ZFHX3: variants seen among roughly 807,000 people sequenced by gnomAD.
ZFHX3 encodes zinc finger homeobox 3, also known as zinc finger homeobox protein 3.
Under a neutral mutation model 279.1 loss-of-function variants are expected in ZFHX3, and 42 were observed. That is an observed-to-expected ratio of 0.15 (90% CI 0.12 to 0.19). The LOEUF (loss-of-function observed/expected upper bound fraction) is 0.19. Among genes scored for constraint, ZFHX3 ranks in the 10% least tolerant of loss-of-function variants. The pLI is 1.00. For missense variants in ZFHX3, 4,981 were observed against 4,754.0 expected (o/e 1.05, Z -1.40); for synonymous variants, 2,293 against 1,957.8 (o/e 1.17, Z -4.52).
intron 1 of ZFHX3, among the ~76,000 whole-genome samples, chr16:73,748,178 A>G (rs2053721351): frequency 6.6e-6 from 1 of 152,192 alleles, no homozygotes; most frequent in Non-Finnish European, 1.5e-5. Flanking sequence ...AAAAGATGAA[A>G]ACATCAGAAT....
chr16:73,297,230 G>C (rs1339200508), intron 4 of ZFHX3, among the ~76,000 whole-genome samples: 3 of 151,938 alleles, frequency 2.0e-5, no homozygotes. Flanking sequence ...GGTTAAGAAA[G>C]GCTAAGTAAT....
chr16:73,162,158 G>A (rs2144857274), intron 5 of ZFHX3, among the ~76,000 whole-genome samples: 1 of 152,338 alleles, frequency 6.6e-6, no homozygotes, highest in African/African-American at 2.4e-5. Context: ...CACAGCAGGA[G>A]TTGAGCAACA....
intron 1 of ZFHX3, among the ~76,000 whole-genome samples, chr16:72,966,842 A>G (rs1961865712): frequency 4.6e-5 from 7 of 152,228 alleles, no homozygotes; most frequent in Non-Finnish European, 1.0e-4. Flanking sequence ...GTCACTATAA[A>G]TGAAAATCTT....
intron 1 of ZFHX3, among the ~76,000 whole-genome samples, chr16:73,004,159 C>CT (rs3081625): frequency 0.033 from 1,604 of 49,282 alleles, 200 homozygotes; most frequent in East Asian, 0.093. Flanking sequence ...AAAAACACGA[C>CT]TTTTTTTTTT....
intron 2 of ZFHX3, among the ~76,000 whole-genome samples, chr16:73,531,621 A>C (rs2019804328): frequency 6.7e-6 from 1 of 149,782 alleles, no homozygotes; most frequent in Admixed American, 6.7e-5. Flanking sequence ...AGGCTGAGGC[A>C]GGAGGATGGC....
intron 2 of ZFHX3, among the ~76,000 whole-genome samples, chr16:73,630,154 A>G (rs2052454724): frequency 6.6e-6 from 1 of 152,228 alleles, no homozygotes; most frequent in Admixed American, 6.5e-5. Flanking sequence ...AAAGGTAGAC[A>G]CTTTGGAAAA....
At chr16:73,182,875 G>T (rs957901713) in intron 5 of ZFHX3, among the ~76,000 whole-genome samples, 5 of 147,560 alleles carry the variant, frequency 3.4e-5, no homozygotes, top group Admixed American at 6.8e-5. Context: ...ACAGACACTG[G>T]AGACTGCAAA....
intron 2 of ZFHX3, among the ~76,000 whole-genome samples, chr16:73,542,858 G>GT (rs1272975488): frequency 6.6e-6 from 1 of 150,908 alleles, no homozygotes; most frequent in Non-Finnish European, 1.5e-5. Context: ...TTCAGAGCGT[G>GT]TGTGTGTGTG....
At chr16:73,818,167 C>T (rs1027690410) in intron 1 of ZFHX3, among the ~76,000 whole-genome samples, 1 of 152,056 alleles carries the variant, frequency 6.6e-6, no homozygotes, top group African/African-American at 2.4e-5. Context: ...GCAAGCATCA[C>T]AACATTAACA....
chr16:73,446,039 T>G (rs1475442174), intron 3 of ZFHX3, among the ~76,000 whole-genome samples: 4 of 152,216 alleles, frequency 2.6e-5, no homozygotes, highest in Non-Finnish European at 4.4e-5. Context: ...TGAATTTTAC[T>G]TGAATACTTT....
chr16:73,744,485 C>T (rs1415375931), intron 1 of ZFHX3, among the ~76,000 whole-genome samples: 1 of 152,150 alleles, frequency 6.6e-6, no homozygotes, highest in East Asian at 1.9e-4. Flanking sequence ...TTCTGAAATT[C>T]TCTCCTTCAG....
intron 2 of ZFHX3, among the ~76,000 whole-genome samples, chr16:73,523,802 C>T (rs1056526096): frequency 2.0e-5 from 3 of 152,008 alleles, no homozygotes; most frequent in African/African-American, 4.8e-5. Context: ...AACAAACTTA[C>T]AATATTTAGA....
At chr16:72,832,766 G>T (rs1326738470) in intron 4 of ZFHX3, among the ~76,000 whole-genome samples, 3 of 152,202 alleles carry the variant, frequency 2.0e-5, no homozygotes, top group Non-Finnish European at 2.9e-5. Flanking sequence ...GCCCGGAAGG[G>T]CAGCTGGCTG....
intron 1 of ZFHX3, among the ~76,000 whole-genome samples, chr16:73,027,911 C>G (rs1015482868): frequency 2.6e-5 from 4 of 152,220 alleles, no homozygotes; most frequent in African/African-American, 9.6e-5. Flanking sequence ...GTGCCTTGCA[C>G]TCCTCATCGC....
intron 1 of ZFHX3, among the ~76,000 whole-genome samples, chr16:73,749,742 C>T (rs1237700545): frequency 6.6e-6 from 1 of 152,174 alleles, no homozygotes; most frequent in East Asian, 1.9e-4. Context: ...TTTGACTTTT[C>T]ATGCAGTGGA....
At chr16:72,864,110 T>TC (rs892483705) in intron 4 of ZFHX3, among the ~76,000 whole-genome samples, 2 of 151,908 alleles carry the variant, frequency 1.3e-5, no homozygotes, top group Non-Finnish European at 2.9e-5. Context: ...AGAGCAAGAC[T>TC]CCATCTCGAA....
At chr16:72,818,190 A>G (rs2036670492) in intron 5 of ZFHX3, among the ~76,000 whole-genome samples, 2 of 152,218 alleles carry the variant, frequency 1.3e-5, no homozygotes, top group Admixed American at 6.5e-5. Flanking sequence ...TCAGCTCATA[A>G]TTATAATTAA....
intron 2 of ZFHX3, among the ~76,000 whole-genome samples, chr16:73,535,944 T>C (rs1367832714): frequency 6.6e-6 from 1 of 151,966 alleles, no homozygotes; most frequent in Non-Finnish European, 1.5e-5. Flanking sequence ...GGATGGTCTC[T>C]ATCTCCTGAC....
intron 1 of ZFHX3, among the ~76,000 whole-genome samples, chr16:73,890,887 T>C (rs544073783): frequency 6.6e-6 from 1 of 152,018 alleles, no homozygotes; most frequent in Admixed American, 6.6e-5. Flanking sequence ...ACCATCACCA[T>C]CATCACAATA....
Sources: gnomAD v4.1 joint callset for allele counts (sites outside exome capture counted in the v4.1 genomes callset) on GRCh38, gnomAD v4.1.1 for gene constraint, MANE v1.5 for transcripts, NCBI Gene and HGNC (gene_info 2026-07-23, HGNC 2026-07-21) for gene names.